The following GABRB1 variants were observed in gnomAD, a reference collection of about 807,000 sequenced individuals.
GABRB1 encodes gamma-aminobutyric acid receptor subunit beta-1.
A neutral mutation model predicts 51.6 loss-of-function variants in GABRB1; 17 were observed. The ratio of observed to expected loss-of-function variants is 0.33; its 90% confidence interval spans 0.23 to 0.49. GABRB1 has a LOEUF of 0.49. GABRB1 is among the 20% of genes least tolerant of loss of function. GABRB1 has a pLI of 0.99. For synonymous variants in GABRB1, 247 were observed against 218.9 expected (o/e 1.13, Z -1.14); for missense variants, 410 against 600.6 (o/e 0.68, Z 3.32).
chr4:47,198,523 C>A (rs116812777), intron 4 of GABRB1, among the ~76,000 whole-genome samples: 16 of 152,104 alleles, frequency 1.1e-4, no homozygotes, highest in Non-Finnish European at 1.8e-4. Context: ...TTGTAGAATA[C>A]CTAAATGATC....
intron 4 of GABRB1, among the ~76,000 whole-genome samples, chr4:47,250,663 C>A (rs1221641369): frequency 6.6e-6 from 1 of 152,116 alleles, no homozygotes; most frequent in Non-Finnish European, 1.5e-5. Flanking sequence ...ATTCTTTTCT[C>A]TTTATCTTTG....
intron 4 of GABRB1, among the ~76,000 whole-genome samples, chr4:47,297,210 A>G (rs1232486164): frequency 6.6e-6 from 1 of 150,468 alleles, no homozygotes; most frequent in African/African-American, 2.5e-5. Flanking sequence ...CTAGAAAAGC[A>G]AGAGCAAACA....
At chr4:47,377,615 G>C (rs1314238003) in intron 5 of GABRB1, among the ~76,000 whole-genome samples, 1 of 152,130 alleles carries the variant, frequency 6.6e-6, no homozygotes, top group East Asian at 1.9e-4. Context: ...CAGGCAGCCT[G>C]CTTTTATTCT....
chr4:47,166,113 C>G (rs763896148), intron 4 of GABRB1, among the ~76,000 whole-genome samples: 10 of 152,074 alleles, frequency 6.6e-5, no homozygotes, highest in Non-Finnish European at 1.5e-4. Context: ...TTTCAGAAAT[C>G]TAAGACCCTC....
intron 3 of GABRB1, among the ~76,000 whole-genome samples, chr4:47,100,960 T>A (rs1053358846): frequency 1.3e-5 from 2 of 151,978 alleles, no homozygotes; most frequent in African/African-American, 4.8e-5. Context: ...TAGGACAGTA[T>A]GTTGTCTATA....
chr4:47,365,543 G>A (rs377345448), intron 5 of GABRB1, among the ~76,000 whole-genome samples: 3 of 152,026 alleles, frequency 2.0e-5, no homozygotes, highest in Non-Finnish European at 4.4e-5. Flanking sequence ...CTCCACCCCC[G>A]CTATACCCCT....
chr4:47,145,445 A>G (rs751521916), intron 3 of GABRB1, among the ~76,000 whole-genome samples: 7 of 152,174 alleles, frequency 4.6e-5, no homozygotes, highest in Admixed American at 2.6e-4. Context: ...ATTGGGGCTT[A>G]TGATTGCTGT....
At chr4:47,308,190 T>C (rs930666991) in intron 4 of GABRB1, among the ~76,000 whole-genome samples, 1 of 151,994 alleles carries the variant, frequency 6.6e-6, no homozygotes, top group Admixed American at 6.6e-5. Flanking sequence ...ATTACAATCC[T>C]GATGCCGATG....
chr4:47,373,014 C>T (rs1272693898), intron 5 of GABRB1, among the ~76,000 whole-genome samples: 2 of 152,188 alleles, frequency 1.3e-5, no homozygotes, highest in African/African-American at 2.4e-5. Flanking sequence ...AGAGGGTCCA[C>T]ATGTCCTTCT....
At chr4:47,258,676 G>A (rs148323970) in intron 4 of GABRB1, among the ~76,000 whole-genome samples, 6 of 152,180 alleles carry the variant, frequency 3.9e-5, no homozygotes, top group South Asian at 2.1e-4. Flanking sequence ...ATTTCCTACC[G>A]AATTACAATA....
chr4:47,190,168 A>G (rs1719380663), intron 4 of GABRB1, among the ~76,000 whole-genome samples: 1 of 152,124 alleles, frequency 6.6e-6, no homozygotes, highest in South Asian at 2.1e-4. Flanking sequence ...GAACAATGTG[A>G]ACATACCTGA....
At position 47,270,928 on chromosome 4, in the gene GABRB1, G is replaced by C. The variant is rs532769580; in HGVS notation, c.462-49199G>C. On this transcript the variant is annotated intron_variant, in intron 4 of 8. Coordinates refer to ENST00000295454, the MANE Select transcript of GABRB1 (RefSeq NM_000812.4). ...CTGTATTTAGTCTCAGCAGGTTATA[G>C]CACTTTTAGTTTGTGCTATTAGTAT... Among the ~76,000 whole-genome samples, 12 of 152,232 alleles carry C rather than the reference G, an allele frequency of 7.9e-5. No individual in the cohort carries two copies. In the South Asian group the frequency reaches 2.1e-3, roughly 26 times the overall value.
chr4:47,424,845 G>T (rs1256408298), intron 8 of GABRB1, among the ~76,000 whole-genome samples: 2 of 152,194 alleles, frequency 1.3e-5, no homozygotes, highest in Non-Finnish European at 2.9e-5. Flanking sequence ...TGTGGGCATA[G>T]CATAGAGAAG....
rs140339384 is a variant in GABRB1 at position 47,406,980 on chromosome 4, A to G, written c.1080+54A>G. The G allele has an allele frequency of 2.7e-4, 417 of 1,545,896 alleles. 1 individual carries two copies. In the African/African-American group the frequency reaches 5.2e-3, roughly 19 times the overall value. On this transcript the variant is annotated intron_variant, in intron 8 of 8. Coordinates refer to ENST00000295454, the MANE Select transcript of GABRB1 (RefSeq NM_000812.4). ...TCTTGTTAAATTTATCAGCATCATG[A>G]TGCCTCGGGCTCTCATAACTTAAAA...
chr4:47,141,166 A>G (rs1447340506), intron 3 of GABRB1, among the ~76,000 whole-genome samples: 3 of 151,930 alleles, frequency 2.0e-5, no homozygotes, highest in Non-Finnish European at 4.4e-5. Flanking sequence ...GTCAGATAAT[A>G]AGAGAGGCTA....
chr4:47,224,599 A>C (rs1451999473), intron 4 of GABRB1, among the ~76,000 whole-genome samples: 1 of 152,150 alleles, frequency 6.6e-6, no homozygotes, highest in Non-Finnish European at 1.5e-5. Context: ...ATTTGATCAG[A>C]TAGCAAGGGT....
chr4:47,197,626 A>G (rs777687701), intron 4 of GABRB1, among the ~76,000 whole-genome samples: 40 of 152,258 alleles, frequency 2.6e-4, no homozygotes, highest in Non-Finnish European at 4.0e-4. Flanking sequence ...ATACGTTAAT[A>G]TAAAAGTTAT....
chr4:47,223,388 T>C (rs1047114202), intron 4 of GABRB1, among the ~76,000 whole-genome samples: 3 of 151,948 alleles, frequency 2.0e-5, no homozygotes, highest in African/African-American at 7.2e-5. Context: ...AGAACCTAGG[T>C]AGGTAAGAGA....
At position 47,031,583 on chromosome 4, in the gene GABRB1, C is replaced by T; in HGVS notation, c.-69C>T. 2.2e-6 allele frequency: 3 copies of T among 1,340,822 alleles called. No homozygotes were observed. Among genetic ancestry groups the T allele is most frequent in the Admixed American group, 1.7e-5 (1 of 59,322 alleles). 83.1% of individuals were successfully genotyped at this position (1,340,822 alleles called of 1,614,324 possible). ...CGCAGGTCCATTCGGGAATTACTGC[C>T]CAGCAGCCGACTAAGTTGCATTCCT... On this transcript the variant is annotated 5_prime_UTR_variant, in exon 1 of 9. Coordinates refer to ENST00000295454, the MANE Select transcript of GABRB1 (RefSeq NM_000812.4).
Sources: allele counts gnomAD v4.1 joint callset (sites outside exome capture counted in the v4.1 genomes callset), GRCh38; gene constraint gnomAD v4.1.1; transcripts MANE v1.5; gene names NCBI Gene and HGNC (gene_info 2026-07-23, HGNC 2026-07-21).